MEIS2: variants seen among roughly 807,000 people sequenced by gnomAD.
MEIS2 encodes homeobox protein Meis2.
A neutral mutation model predicts 58.6 loss-of-function variants in MEIS2; 9 were observed. The ratio of observed to expected loss-of-function variants is 0.15; its 90% CI spans 0.09 to 0.27. The LOEUF (loss-of-function observed/expected upper bound fraction) is 0.27, where lower values mean the gene tolerates loss of function less well. Ranked by LOEUF, MEIS2 falls within the 10% of genes least tolerant of loss-of-function variation. The pLI, the probability that MEIS2 is intolerant of heterozygous loss-of-function variation, is 1.00. For missense variants in MEIS2, 427 were observed against 635.0 expected (o/e 0.67, Z 3.52); for synonymous variants, 221 against 228.4 (o/e 0.97, Z 0.29).
intron 7 of MEIS2, among the ~76,000 whole-genome samples, chr15:37,040,076 ATGTG>A (rs35630750): frequency 6.9e-5 from 10 of 145,572 alleles, no homozygotes; most frequent in Admixed American, 6.2e-4. Context: ...AAGGCTGTGT[ATGTG>A]TGTGTGTGTG....
chr15:36,892,351 A>C lies in MEIS2; in HGVS notation c.1256T>G (p.Leu419Ter). The C allele has an allele frequency of 6.2e-7, 1 of 1,613,866 alleles. No individual in the cohort carries two copies. Among genetic ancestry groups the C allele is most frequent in the Non-Finnish European group, 8.5e-7 (1 of 1,179,950 alleles). The change falls in exon 12 of 12, where the codon TTA (leucine) becomes TGA (stop). Residue 419 changes from leucine (L) to a stop codon, truncating the protein, a stop_gained. Transcript: ENST00000561208. LOFTEE classifies it high-confidence loss of function. ...PPQMTPHPTQ[L>*]RHGPPMHSYL... is the part of the protein sequence containing the mutation. ...TGAATGCATTGGGGGTCCATGTCTT[A>C]ATTGAGTAGGGTGTGGGGTCATCTG... is the stretch of plus-strand genomic sequence containing the variant.
intron 9 of MEIS2, among the ~76,000 whole-genome samples, chr15:36,949,976 G>A (rs1018970277): frequency 5.9e-5 from 9 of 151,874 alleles, no homozygotes; most frequent in African/African-American, 1.9e-4. Context: ...GCAAAAACCC[G>A]CGGAGTGACT....
At chr15:37,032,372 C>A (rs544858443) in intron 8 of MEIS2, among the ~76,000 whole-genome samples, 3 of 152,224 alleles carry the variant, frequency 2.0e-5, no homozygotes, top group Admixed American at 1.3e-4. Context: ...GGCTTCTTGG[C>A]GTGGAGGAGT....
At chr15:37,017,568 A>C (rs951740501) in intron 8 of MEIS2, among the ~76,000 whole-genome samples, 7 of 152,152 alleles carry the variant, frequency 4.6e-5, no homozygotes, top group Non-Finnish European at 8.8e-5. Flanking sequence ...GTGCCACTGC[A>C]CTCCAGCCTA....
At chr15:37,004,506 A>G (rs1463816762) in intron 8 of MEIS2, among the ~76,000 whole-genome samples, 2 of 152,224 alleles carry the variant, frequency 1.3e-5, no homozygotes, top group Non-Finnish European at 2.9e-5. Flanking sequence ...CTCACAGAAT[A>G]ATAGAACTGG....
chr15:37,009,150 G>C (rs936543379), intron 8 of MEIS2, among the ~76,000 whole-genome samples: 1 of 152,092 alleles, frequency 6.6e-6, no homozygotes, highest in Non-Finnish European at 1.5e-5. Flanking sequence ...TTAACCAGGC[G>C]TGGTGGCGGG....
chr15:36,891,013 C>T lies in MEIS2; in HGVS notation c.*1160G>A, dbSNP rs2141208928. On this transcript the variant is annotated 3_prime_UTR_variant, in exon 12 of 12. Transcript: ENST00000561208. ...TCTTGTCCTAAAACCATTAAAAACG[C>T]AAAAGCCTAACAAAAAATCAAAAAT... is the stretch of plus-strand genomic sequence containing the variant. The T allele has an allele frequency of 6.6e-6, 1 of 152,466 alleles. No homozygotes were observed. Among genetic ancestry groups the T allele is most frequent in the East Asian group, 1.9e-4 (1 of 5,184 alleles). 9.4% of individuals were successfully genotyped at this position (152,466 alleles called of 1,614,324 possible). A position where few individuals can be genotyped will look rare whatever the true frequency, so the allele number is the denominator to read the frequency against.
At chr15:36,896,751 T>G (rs781117870) in intron 9 of MEIS2, 65 bp from the exon 10 acceptor site, 1 of 1,304,296 alleles carries the variant, frequency 7.7e-7, no homozygotes, top group South Asian at 1.2e-5. Context: ...CACCTTTGCA[T>G]GAATGCTGAG....
intron 9 of MEIS2, among the ~76,000 whole-genome samples, chr15:36,928,927 A>G (rs2057858657): frequency 6.6e-6 from 1 of 152,242 alleles, no homozygotes; most frequent in South Asian, 2.1e-4. Flanking sequence ...AAAAGATCAA[A>G]AAAAGAAAGA....
At chr15:37,036,180 C>T (rs965181351) in intron 8 of MEIS2, among the ~76,000 whole-genome samples, 1 of 152,114 alleles carries the variant, frequency 6.6e-6, no homozygotes, top group African/African-American at 2.4e-5. Context: ...ATAGTAAAAC[C>T]GTTTCCAGAA....
chr15:37,080,036 T>C (rs888125866), intron 7 of MEIS2, among the ~76,000 whole-genome samples: 6 of 152,104 alleles, frequency 3.9e-5, no homozygotes, highest in Non-Finnish European at 1.5e-5. Flanking sequence ...CAAAAATGAA[T>C]TGTAAGGAAG....
Position 36,892,030 on chromosome 15 carries a change from C to T in MEIS2, c.*143G>A. 1.2e-6 allele frequency: 1 copy of T among 867,058 alleles called. No individual in the cohort carries two copies. The allele number at this position is 867,058 out of a possible 1,614,324, so 53.7% of individuals were successfully genotyped here. On this transcript the variant is annotated 3_prime_UTR_variant, in exon 12 of 12. Coordinates refer to ENST00000561208, the MANE Select transcript of MEIS2 (RefSeq NM_170675.5). The stretch of plus-strand genomic sequence containing the variant: ...TTTGTGTTCTTGTTGCATTGGTCCT[C>T]TGTTGCTTGATGAAAAATGACAAAA...
At chr15:37,049,690 G>A (rs537084029) in intron 7 of MEIS2, among the ~76,000 whole-genome samples, 2 of 151,708 alleles carry the variant, frequency 1.3e-5, no homozygotes, top group African/African-American at 4.8e-5. Context: ...GCTTCATCAC[G>A]ATGGTCATGC....
intron 2 of MEIS2, 90 bp downstream of exon 2, chr15:37,097,877 C>T (rs1462000258): frequency 2.7e-6 from 4 of 1,468,164 alleles, no homozygotes; most frequent in Non-Finnish European, 1.8e-6. Context: ...AGTAACTCCC[C>T]ACTTAGTCGT....
intron 9 of MEIS2, among the ~76,000 whole-genome samples, chr15:36,914,210 CA>C (rs2057168879): frequency 1.3e-5 from 2 of 152,030 alleles, no homozygotes; most frequent in Admixed American, 1.3e-4. Context: ...ATGAACTGGA[CA>C]AAGGAAGATG....
rs1057213871 is a variant in MEIS2 at position 36,976,294 on chromosome 15, C to A, written c.901-25894G>T. Among the ~76,000 whole-genome samples the A allele has an allele frequency of 3.3e-5, 5 of 151,950 alleles. 1 individual carries two copies. Among genetic ancestry groups the A allele is most frequent in the Admixed American group, 2.6e-4 (4 of 15,258 alleles). On this transcript the variant is annotated intron_variant, in intron 8 of 11. Transcript: ENST00000561208. ...AGAGACGGGGTTTCACCATGTTGGC[C>A]AGGCTGGTCTCGAACTCCTGACCTT...
intron 11 of MEIS2, among the ~76,000 whole-genome samples, chr15:36,893,820 A>G (rs1480667977): frequency 6.6e-6 from 1 of 152,194 alleles, no homozygotes; most frequent in African/African-American, 2.4e-5. Context: ...GAGCTCCCCT[A>G]TAAAATGTTG....
chr15:36,954,718 T>G (rs1052884868), intron 8 of MEIS2, among the ~76,000 whole-genome samples: 2 of 152,140 alleles, frequency 1.3e-5, no homozygotes, highest in African/African-American at 4.8e-5. Context: ...GACTGAACAA[T>G]GCACAATTTG....
intron 6 of MEIS2, among the ~76,000 whole-genome samples, chr15:37,088,640 G>A (rs1427844411): frequency 6.6e-6 from 1 of 152,124 alleles, no homozygotes; most frequent in Non-Finnish European, 1.5e-5. Context: ...CTTTAAAAAT[G>A]TAAATAAAGC....
Sources: gnomAD v4.1 joint callset for allele counts (sites outside exome capture counted in the v4.1 genomes callset) on GRCh38, gnomAD v4.1.1 for gene constraint, MANE v1.5 for transcripts, NCBI Gene and HGNC (gene_info 2026-07-23, HGNC 2026-07-21) for gene names.